CREB3L3: variants seen among roughly 807,000 people sequenced by gnomAD.
CREB3L3 encodes the protein cAMP responsive element binding protein 3 like 3.
In CREB3L3, 40 loss-of-function variants were observed where a neutral mutation model predicts 44.6. The ratio of observed to expected loss-of-function variants is 0.90; its 90% CI spans 0.70 to 1.17. The LOEUF (loss-of-function observed/expected upper bound fraction) is 1.17. Ranked by LOEUF, CREB3L3 falls within the 50% of genes most tolerant of loss-of-function variation. The pLI, the probability that CREB3L3 is intolerant of heterozygous loss-of-function variation, is 0.00. For synonymous variants in CREB3L3, 273 were observed against 256.3 expected, an observed-to-expected ratio of 1.06 and a Z score of -0.62; for missense variants, 578 against 595.8, an observed-to-expected ratio of 0.97 and a Z score of 0.31.
At chr19:4,155,115 C>T in intron 2 of CREB3L3, 88 bp downstream of exon 2, 3 of 1,511,086 alleles carry the variant, frequency 2.0e-6, no homozygotes, top group Non-Finnish European at 2.7e-6. Flanking sequence ...CCGCCAGAGC[C>T]CAGCCAGAGC....
intron 4 of CREB3L3, among the ~76,000 whole-genome samples, chr19:4,163,053 A>G (rs1224346754): frequency 6.6e-6 from 1 of 152,102 alleles, no homozygotes; most frequent in Non-Finnish European, 1.5e-5. Context: ...CACGCCTGTG[A>G]TCCCAGCACT....
In CREB3L3 at chr19:4,164,711, C is replaced by CTTTA. The variant is rs199827224; in HGVS notation, c.714+84_714+87dup. On this transcript the variant is annotated intron_variant, in intron 5 of 9. Transcript: ENST00000078445. Reference sequence around the variant, plus strand: ...GCACTTACCTGCATGTGTGTCCCACCTTTATTTATTTATTTAGAGTAGAGT... The same window carrying CTTTA: ...GCACTTACCTGCATGTGTGTCCCACCTTTATTTATTTATTTATTTAGAGTAGAGT... The CTTTA allele has an allele frequency of 7.9e-3, 12,165 of 1,537,440 alleles. 84 individuals are homozygous for CTTTA. Among genetic ancestry groups the CTTTA allele is most frequent in the Middle Eastern group, 0.019 (108 of 5,780 alleles).
intron 5 of CREB3L3, among the ~76,000 whole-genome samples, chr19:4,167,352 AAGAGAG>A (rs1555703934): frequency 2.4e-4 from 31 of 130,234 alleles, no homozygotes; most frequent in Non-Finnish European, 2.9e-4. Flanking sequence ...GAAAGAAAGA[AAGAGAG>A]AGAGAGAGAG....
chr19:4,153,680 C>A lies in CREB3L3; in HGVS notation c.-68C>A, dbSNP rs1034184949. 1 of 1,589,022 alleles carries A rather than the reference C, an allele frequency of 6.3e-7. No individual in the cohort carries two copies. Among genetic ancestry groups the A allele is most frequent in the South Asian group, 1.1e-5 (1 of 90,112 alleles). The stretch of plus-strand genomic sequence containing the variant: ...CTTGCCCGGCCCCAGGTAACGCTGG[C>A]GGTGGGTGGGCCTCCAGCTTGGAGC... On this transcript the variant is annotated 5_prime_UTR_variant, in exon 1 of 10. Coordinates refer to ENST00000078445, the MANE Select transcript of CREB3L3 (RefSeq NM_032607.3).
intron 4 of CREB3L3, among the ~76,000 whole-genome samples, chr19:4,161,165 T>A (rs893330272): frequency 6.6e-6 from 1 of 152,200 alleles, no homozygotes; most frequent in African/African-American, 2.4e-5. Context: ...GGTTTCATCA[T>A]GTTAGCCAGG....
At position 4,171,810 on chromosome 19, in the gene CREB3L3, G is replaced by A. The variant is rs371799618; in HGVS notation, c.1227G>A (p.Ala409=). 123 of 1,613,540 alleles carry A rather than the reference G, an allele frequency of 7.6e-5. No homozygotes were observed. Among genetic ancestry groups the A allele is most frequent in the Non-Finnish European group, 9.5e-5 (112 of 1,180,036 alleles). Reference sequence around the variant, plus strand: ...CAGACTGGGGCTTCCAGGACACCGCGAACCTGACCAATTCGACGGAGGAGC... The same window carrying A: ...CAGACTGGGGCTTCCAGGACACCGCAAACCTGACCAATTCGACGGAGGAGC... The part of the protein sequence containing the change: ...PGADWGFQDT[A]NLTNSTEELD... The change falls in exon 10 of 10, where the codon GCG becomes GCA. Residue 409 remains alanine (A), a synonymous_variant. Transcript: ENST00000078445. This position sits in a 1 kb window ranked among gnomAD's most constrained non-coding sequence, Gnocchi z 4.9.
Position 4,171,619 on chromosome 19 carries a change from C to T in CREB3L3, c.1073-37C>T. On this transcript the variant is annotated intron_variant, in intron 9 of 9. Coordinates refer to ENST00000078445, the MANE Select transcript of CREB3L3 (RefSeq NM_032607.3). This position sits in a 1 kb window ranked among gnomAD's most constrained non-coding sequence, Gnocchi z 4.9. ...GGAAGGGAGCATAGGACCCCACCTC[C>T]ACCTTGTCCCCTGTGATGCCCCCCT... The T allele has an allele frequency of 4.3e-6, 7 of 1,610,256 alleles. No individual in the cohort carries two copies. Among genetic ancestry groups the T allele is most frequent in the Non-Finnish European group, 5.9e-6 (7 of 1,176,998 alleles).
chr19:4,168,536 A>C lies in CREB3L3; in HGVS notation c.821+79A>C, dbSNP rs559767475. On this transcript the variant is annotated intron_variant, in intron 6 of 9. Coordinates refer to ENST00000078445, the MANE Select transcript of CREB3L3 (RefSeq NM_032607.3). ...GAGAAGGAGATGTGGCTAAGGCCAC[A>C]CAGCTTAGAGTCTGACAAAATTGGA... is the stretch of plus-strand genomic sequence containing the variant. 2.0e-5 allele frequency: 23 copies of C among 1,160,992 alleles called. No individual in the cohort carries two copies. The East Asian group carries it at 5.4e-4, about 27-fold the overall frequency. The allele number at this position is 1,160,992 out of a possible 1,614,324, so 71.9% of individuals were successfully genotyped here.
At position 4,153,789 on chromosome 19, in the gene CREB3L3, G is replaced by T; in HGVS notation, c.27+15G>T. The T allele has an allele frequency of 6.2e-7, 1 of 1,613,990 alleles. No individual in the cohort carries two copies. The highest frequency in any genetic ancestry group is 8.5e-7 in the Non-Finnish European group (1 of 1,179,972). ...CTGCTGGAAAGGTGAGCCCTACTAGGTCCCCAGGGAGAGCGGGAGTCTAGG... is the reference window on the plus strand; with the variant it reads ...CTGCTGGAAAGGTGAGCCCTACTAGTTCCCCAGGGAGAGCGGGAGTCTAGG... On this transcript the variant is annotated intron_variant, in intron 1 of 9. Coordinates refer to ENST00000078445, the MANE Select transcript of CREB3L3 (RefSeq NM_032607.3).
rs1967045776 is a variant in CREB3L3 at position 4,171,462 on chromosome 19, A to G, written c.1055A>G (p.Asp352Gly). 6.2e-7 allele frequency: 1 copy of G among 1,613,474 alleles called. No individual in the cohort carries two copies. The highest frequency in any genetic ancestry group is 1.1e-5 in the South Asian group (1 of 91,042). Residue 352 changes from aspartate (D) to glycine (G), a missense_variant, in exon 9 of 10, where the codon GAC becomes GGC. Coordinates refer to ENST00000078445, the MANE Select transcript of CREB3L3 (RefSeq NM_032607.3). This position sits in a 1 kb window ranked among gnomAD's most constrained non-coding sequence, Gnocchi z 4.9. The part of the protein sequence containing the change: ...FGPNKTESPG[D>G]FAPVRVFSRT... ...CCCAACAAAACCGAGAGCCCTGGGG[A>G]CTTTGCGCCTGTACGAGGTAGGGGA...
chr19:4,169,171 C>T lies in CREB3L3; in HGVS notation c.821+714C>T, dbSNP rs529106110. Among the ~76,000 whole-genome samples, 46 of 152,094 alleles carry T rather than the reference C, an allele frequency of 3.0e-4. No homozygotes were observed. In the South Asian group the frequency reaches 9.4e-3, roughly 31 times the overall value. ...GCTGAGATCAGAGAGTGGAGTGGCC[C>T]AAGGTCATGGGGAGAGGGAGAGATG... is the stretch of plus-strand genomic sequence containing the variant. On this transcript the variant is annotated intron_variant, in intron 6 of 9. Coordinates refer to ENST00000078445, the MANE Select transcript of CREB3L3 (RefSeq NM_032607.3).
rs150431015 is a variant in CREB3L3 at position 4,171,721 on chromosome 19, G to C, written c.1138G>C (p.Glu380Gln). Residue 380 changes from glutamate to glutamine, a missense_variant, in exon 10 of 10, where the codon GAG (glutamate) becomes CAG (glutamine). Coordinates refer to ENST00000078445, the MANE Select transcript of CREB3L3 (RefSeq NM_032607.3). This position sits in a 1 kb window ranked among gnomAD's most constrained non-coding sequence, Gnocchi z 4.9. ...GGCTGCTGATGCTGTGCCAGGCTCC[G>C]AGGCCCCAGGACCCCGACCCGAGGC... Reference protein sequence around the residue: ...RVAADAVPGSEAPGPRPEADT... With the variant: ...RVAADAVPGSQAPGPRPEADT... 1 of 1,613,130 alleles carries C rather than the reference G, an allele frequency of 6.2e-7. No individual in the cohort carries two copies. Among genetic ancestry groups the C allele is most frequent in the African/African-American group, 1.3e-5 (1 of 74,902 alleles).
At chr19:4,170,874 C>G (rs1035134571) in intron 7 of CREB3L3, among the ~76,000 whole-genome samples, 6 of 152,004 alleles carry the variant, frequency 3.9e-5, no homozygotes, top group Non-Finnish European at 7.4e-5. Flanking sequence ...TCCCACCACT[C>G]ACTCCAGCCT....
At chr19:4,165,339 A>ATTT (rs34585723) in intron 5 of CREB3L3, among the ~76,000 whole-genome samples, 120 of 138,168 alleles carry the variant, frequency 8.7e-4, no homozygotes, top group African/African-American at 3.0e-3. Flanking sequence ...GGCTAATTTA[A>ATTT]TTTTTTTTTT....
At position 4,171,950 on chromosome 19, in the gene CREB3L3, C is replaced by T. The variant is rs76914193; in HGVS notation, c.1367C>T (p.Ala456Val). ...GGCTCAGGACGTGCAGGGCTGGAGG[C>T]GGCGGGAGACGAGCTGTGAGCCCCG... ...STGSGRAGLE[A>V]AGDEL Residue 456 changes from alanine (A) to valine (V), a missense_variant, in exon 10 of 10, where the codon GCG (alanine) becomes GTG (valine). By Grantham distance (64) the Ala-to-Val change is moderately conservative (BLOSUM62 0). Coordinates refer to ENST00000078445, the MANE Select transcript of CREB3L3 (RefSeq NM_032607.3). The surrounding 1 kb of genome is among the most constrained non-coding windows in gnomAD (Gnocchi z 4.9). 116 of 1,602,212 alleles carry T rather than the reference C, an allele frequency of 7.2e-5. No individual in the cohort carries two copies. The highest frequency in any genetic ancestry group is 3.7e-4 in the South Asian group (33 of 90,204).
Position 4,172,232 on chromosome 19 carries a change from C to T in CREB3L3, c.*263C>T. ...GGAGCAGAAGCAAAGAGCAGACACA[C>T]ATACAGCCTGAAACAGACCTGGACA... On this transcript the variant is annotated 3_prime_UTR_variant, in exon 10 of 10. Coordinates refer to ENST00000078445, the MANE Select transcript of CREB3L3 (RefSeq NM_032607.3). 3.4e-6 allele frequency: 2 copies of T among 586,848 alleles called. No homozygotes were observed. Among genetic ancestry groups the T allele is most frequent in the East Asian group, 2.8e-5 (1 of 35,176 alleles). The allele number at this position is 586,848 out of a possible 1,614,324, so 36.4% of individuals were successfully genotyped here.
intron 4 of CREB3L3, among the ~76,000 whole-genome samples, chr19:4,162,043 C>T (rs1048863219): frequency 1.3e-5 from 2 of 152,030 alleles, no homozygotes; most frequent in African/African-American, 4.8e-5. Flanking sequence ...AGTCATGGTC[C>T]GTCGTCCAGG....
Position 4,157,076 on chromosome 19 carries a change from T to C in CREB3L3, c.238T>C (p.Trp80Arg). 6.2e-7 allele frequency: 1 copy of C among 1,614,010 alleles called. No homozygotes were observed. The highest frequency in any genetic ancestry group is 8.5e-7 in the Non-Finnish European group (1 of 1,180,002). Residue 80 changes from tryptophan to arginine, a missense_variant, in exon 3 of 10, where the codon TGG (tryptophan) becomes CGG (arginine). By Grantham distance (101) the Trp-to-Arg change is moderately radical. Coordinates refer to ENST00000078445, the MANE Select transcript of CREB3L3 (RefSeq NM_032607.3). ...AGACTCACTGCCCAGCTCCCCACTC[T>C]GGTCCCCCGAAGGCAGTGATAGTGG... ...SGDSLPSSPLWSPEGSDSGIS... is the reference protein window; with the variant it reads ...SGDSLPSSPLRSPEGSDSGIS...
chr19:4,153,813 G>T, intron 1 of CREB3L3, 39 bp downstream of exon 1: 1 of 1,612,476 alleles, frequency 6.2e-7, no homozygotes. Flanking sequence ...CGGGAGTCTA[G>T]GCTGGGAAAG....
Sources: gnomAD v4.1 joint callset for allele counts (sites outside exome capture counted in the v4.1 genomes callset) on GRCh38, gnomAD v4.1.1 for gene constraint, Gnocchi (gnomAD v3.1) non-coding constraint, MANE v1.5 for transcripts, NCBI Gene and HGNC (gene_info 2026-07-23, HGNC 2026-07-21) for gene names.